GPM6A: variants seen among roughly 807,000 people sequenced by gnomAD.
GPM6A encodes the protein neuronal membrane glycoprotein M6-a.
Under a neutral mutation model 32.1 loss-of-function variants are expected in GPM6A, and 7 were observed. That is an observed-to-expected ratio of 0.22 (90% CI 0.12 to 0.41). GPM6A has a LOEUF of 0.41. Ranked by LOEUF, GPM6A falls within the 10% of genes least tolerant of loss-of-function variation. GPM6A has a pLI of 1.00. For synonymous variants in GPM6A, 130 were observed against 123.4 expected (o/e 1.05, Z -0.35); for missense variants, 235 against 347.2 (o/e 0.68, Z 2.57).
chr4:175,754,915 C>T (rs935885952), intron 1 of GPM6A, among the ~76,000 whole-genome samples: 1 of 151,962 alleles, frequency 6.6e-6, no homozygotes, highest in Middle Eastern at 3.2e-3. Context: ...GCAAATACAT[C>T]TCAATTTCTG....
At chr4:175,744,921 G>A (rs1330876132) in intron 1 of GPM6A, among the ~76,000 whole-genome samples, 1 of 152,100 alleles carries the variant, frequency 6.6e-6, no homozygotes, top group Non-Finnish European at 1.5e-5. Flanking sequence ...TTTATTGCAG[G>A]AAATATAAAT....
At chr4:175,783,098 G>A (rs1053055837) in intron 1 of GPM6A, among the ~76,000 whole-genome samples, 20 of 151,852 alleles carry the variant, frequency 1.3e-4, no homozygotes, top group Non-Finnish European at 2.2e-4. Context: ...TTATCAAAAT[G>A]AGAAATGTTT....
At chr4:175,852,131 T>C (rs895634621) in intron 1 of GPM6A, among the ~76,000 whole-genome samples, 41 of 152,232 alleles carry the variant, frequency 2.7e-4, no homozygotes, top group African/African-American at 8.7e-4. Context: ...AATAAAAGGA[T>C]GAGACCAGAA....
intron 1 of GPM6A, among the ~76,000 whole-genome samples, chr4:175,980,975 G>A (rs1475206964): frequency 6.6e-6 from 1 of 152,048 alleles, no homozygotes; most frequent in Middle Eastern, 3.2e-3. Flanking sequence ...TTATCACTTC[G>A]ACTATGTCTA....
chr4:175,962,319 G>A, intron 1 of GPM6A: 2 of 988,190 alleles, frequency 2.0e-6, no homozygotes, highest in South Asian at 1.3e-5. Context: ...ACTGGGTCCT[G>A]TGGCCACTCC....
intron 1 of GPM6A, among the ~76,000 whole-genome samples, chr4:175,785,624 A>T (rs1368539856): frequency 6.6e-6 from 1 of 152,180 alleles, no homozygotes; most frequent in Non-Finnish European, 1.5e-5. Flanking sequence ...CTAAAGAAGA[A>T]ACCCCTTTTT....
Position 175,651,078 on chromosome 4 carries a change from C to T in GPM6A, c.541+756G>A, listed in dbSNP as rs1741775049. ...ATGAGCAAGAACACAGCCTCTGATT[C>T]AACCTGCGTTGCCCGTGTTTGAATC... On this transcript the variant is annotated intron_variant, in intron 4 of 6. Coordinates refer to ENST00000393658, the MANE Select transcript of GPM6A (RefSeq NM_201591.3). Among the ~76,000 whole-genome samples, 3 of 152,126 alleles carry T rather than the reference C, an allele frequency of 2.0e-5. No homozygotes were observed. In the South Asian group the frequency reaches 6.2e-4, roughly 31 times the overall value.
chr4:175,867,261 C>A (rs754871682), intron 1 of GPM6A, among the ~76,000 whole-genome samples: 19 of 152,048 alleles, frequency 1.2e-4, no homozygotes. Context: ...TTTTAATAAA[C>A]CCCAGTTTAT....
At position 175,835,620 on chromosome 4, in the gene GPM6A, AGT is replaced by A. The variant is rs959826587; in HGVS notation, c.-22-23373_-22-23372del. Among the ~76,000 whole-genome samples, 13 of 117,522 alleles carry A rather than the reference AGT, an allele frequency of 1.1e-4. No individual in the cohort carries two copies. In the Middle Eastern group the frequency reaches 0.014, roughly 126 times the overall value. 77.1% of individuals were successfully genotyped at this position (117,522 alleles called of 152,430 possible). The stretch of plus-strand genomic sequence containing the variant: ...GCATACCCAAGTATATGTGTGTGTG[AGT>A]GTGTGTATATATATATATATATATA... On this transcript the variant is annotated intron_variant, in intron 1 of 7. Transcript: ENST00000280187.
At chr4:175,772,761 T>G (rs1733241772) in intron 1 of GPM6A, among the ~76,000 whole-genome samples, 1 of 152,174 alleles carries the variant, frequency 6.6e-6, no homozygotes, top group African/African-American at 2.4e-5. Flanking sequence ...CCATACTTTT[T>G]CTACCTACAT....
At position 175,640,650 on chromosome 4, in the gene GPM6A, A is replaced by G; in HGVS notation, c.618+103T>C. The G allele has an allele frequency of 5.0e-6, 4 of 806,552 alleles. No homozygotes were observed. In the South Asian group the frequency reaches 6.1e-5, roughly 12 times the overall value. 50.0% of individuals were successfully genotyped at this position (806,552 alleles called of 1,614,324 possible). A position where few individuals can be genotyped will look rare whatever the true frequency, so the allele number is the denominator to read the frequency against. ...TTCAGGTAAAATTGCCTCTGATAGA[A>G]TAAAGGGAAAAGTCAATATAGATTT... On this transcript the variant is annotated intron_variant, in intron 5 of 6. Transcript: ENST00000393658.
At chr4:175,780,930 A>G (rs890114753) in intron 1 of GPM6A, among the ~76,000 whole-genome samples, 3 of 152,160 alleles carry the variant, frequency 2.0e-5, no homozygotes, top group Non-Finnish European at 4.4e-5. Context: ...AGTCAGGTTA[A>G]ATGATAAAAG....
At position 175,795,686 on chromosome 4, in the gene GPM6A, G is replaced by A. The variant is rs1734192675; in HGVS notation, c.37+16505C>T. On this transcript the variant is annotated intron_variant, in intron 1 of 6. Transcript: ENST00000393658. ...GGATCACTTGAGCCCAGGAGTTTGA[G>A]GCTGCAGTGAGTCATAATCATTACT... 2.0e-5 allele frequency: 3 copies of A among 152,220 alleles called. No homozygotes were observed. The South Asian group carries it at 6.2e-4, about 32-fold the overall frequency. 9.4% of individuals were successfully genotyped at this position (152,220 alleles called of 1,614,324 possible).
intron 1 of GPM6A, among the ~76,000 whole-genome samples, chr4:175,988,734 C>A (rs1196997070): frequency 6.6e-6 from 1 of 152,158 alleles, no homozygotes; most frequent in Admixed American, 6.5e-5. Context: ...AAAACAACAA[C>A]CAACAAAGCA....
chr4:175,888,808 A>C (rs1737542868), intron 1 of GPM6A, among the ~76,000 whole-genome samples: 1 of 152,096 alleles, frequency 6.6e-6, no homozygotes. Flanking sequence ...TCCCAAAAGG[A>C]TTCCAAGGAT....
chr4:175,939,748 T>A (rs1739346555), intron 1 of GPM6A, among the ~76,000 whole-genome samples: 1 of 152,132 alleles, frequency 6.6e-6, no homozygotes, highest in Non-Finnish European at 1.5e-5. Flanking sequence ...GACCTAGAAC[T>A]AGGATATGAT....
intron 1 of GPM6A, among the ~76,000 whole-genome samples, chr4:175,983,016 T>C (rs535877850): frequency 6.6e-6 from 1 of 152,328 alleles, no homozygotes; most frequent in South Asian, 2.1e-4. Flanking sequence ...GTGGGAGTCA[T>C]AGAACATAAC....
Position 175,634,838 on chromosome 4 carries a change from G to T in GPM6A, c.*67C>A. 7.5e-7 allele frequency: 1 copy of T among 1,340,540 alleles called. No homozygotes were observed. Among genetic ancestry groups the T allele is most frequent in the Non-Finnish European group, 1.1e-6 (1 of 947,566 alleles). The allele number at this position is 1,340,540 out of a possible 1,614,324, so 83.0% of individuals were successfully genotyped here. ...ACTTTCGTTTTGTTTTTTAAAGGTT[G>T]GATGGTTGGATGGCCCTTAGTTAAA... On this transcript the variant is annotated 3_prime_UTR_variant, in exon 7 of 7. Coordinates refer to ENST00000393658, the MANE Select transcript of GPM6A (RefSeq NM_201591.3).
intron 1 of GPM6A, among the ~76,000 whole-genome samples, chr4:175,918,355 T>C (rs1172870010): frequency 1.3e-5 from 2 of 152,104 alleles, no homozygotes; most frequent in African/African-American, 2.4e-5. Flanking sequence ...TTGAGTTACA[T>C]GTGGAAGAGG....
Sources: gnomAD v4.1 joint callset for allele counts (sites outside exome capture counted in the v4.1 genomes callset) on GRCh38, gnomAD v4.1.1 for gene constraint, MANE v1.5 for transcripts, NCBI Gene and HGNC (gene_info 2026-07-23, HGNC 2026-07-21) for gene names.